The following FLI1 variants were observed in gnomAD, a reference collection of about 807,000 sequenced individuals.
The protein encoded by FLI1 is Fli-1 proto-oncogene, ETS transcription factor, also known as Friend leukemia integration 1 transcription factor.
Under a neutral mutation model 53.1 loss-of-function variants are expected in FLI1, and 13 were observed. The ratio of observed to expected loss-of-function variants is 0.24; its 90% CI spans 0.16 to 0.39. The LOEUF (loss-of-function observed/expected upper bound fraction) is 0.39, where lower values mean the gene tolerates loss of function less well. FLI1 is among the 10% of genes least tolerant of loss of function. The pLI, the probability that FLI1 is intolerant of heterozygous loss-of-function variation, is 1.00. For missense variants in FLI1, 424 were observed against 600.5 expected, an observed-to-expected ratio of 0.71 and a Z score of 3.07; for synonymous variants, 244 against 236.7, an observed-to-expected ratio of 1.03 and a Z score of -0.28.
chr11:128,720,930 G>A (rs776814642), intron 1 of FLI1, among the ~76,000 whole-genome samples: 1 of 152,132 alleles, frequency 6.6e-6, no homozygotes, highest in African/African-American at 2.4e-5. Context: ...CGAGCAAGCC[G>A]GACCTCTGTG....
chr11:128,710,423 A>T (rs1416126834), intron 1 of FLI1, among the ~76,000 whole-genome samples: 2 of 152,174 alleles, frequency 1.3e-5, no homozygotes, highest in Non-Finnish European at 2.9e-5. Context: ...GAGGCCGAAC[A>T]TTGAACTGCT....
intron 5 of FLI1, among the ~76,000 whole-genome samples, chr11:128,802,961 C>A (rs2135910573): frequency 6.6e-6 from 1 of 152,294 alleles, no homozygotes; most frequent in South Asian, 2.1e-4. Flanking sequence ...ATAATTTGGG[C>A]TCCAAAAGAA....
chr11:128,758,005 A>G, intron 1 of FLI1, 110 bp from the exon 2 acceptor site: 1 of 906,780 alleles, frequency 1.1e-6, no homozygotes, highest in South Asian at 1.6e-5. Flanking sequence ...GAACTTCCAG[A>G]CAAGCTGTCC....
intron 1 of FLI1, among the ~76,000 whole-genome samples, chr11:128,719,067 C>G (rs911929515): frequency 6.6e-6 from 1 of 152,134 alleles, no homozygotes; most frequent in African/African-American, 2.4e-5. Flanking sequence ...CATGGTTATT[C>G]TGGAGGCAGA....
At chr11:128,723,292 G>T (rs555834556) in intron 1 of FLI1, among the ~76,000 whole-genome samples, 9 of 152,086 alleles carry the variant, frequency 5.9e-5, no homozygotes, top group Non-Finnish European at 1.2e-4. Flanking sequence ...CAGTGTAGGC[G>T]GGATGGAAGC....
chr11:128,701,733 A>G (rs1938340368), intron 1 of FLI1, among the ~76,000 whole-genome samples: 1 of 152,218 alleles, frequency 6.6e-6, no homozygotes, highest in Non-Finnish European at 1.5e-5. Context: ...CCCAAGAGCA[A>G]GCCCCATTTA....
At chr11:128,804,209 T>G (rs1332134251) in intron 5 of FLI1, 1 of 152,250 alleles carries the variant, frequency 6.6e-6, no homozygotes, top group Non-Finnish European at 1.5e-5. Context: ...ACTCTTATTC[T>G]AATTTGTTTG....
At chr11:128,741,153 G>T (rs1591769776) in intron 1 of FLI1, among the ~76,000 whole-genome samples, 1 of 152,214 alleles carries the variant, frequency 6.6e-6, no homozygotes, top group African/African-American at 2.4e-5. Context: ...CAGCACTTTG[G>T]GAGGCTGAGG....
chr11:128,698,146 C>G (rs982140289), intron 1 of FLI1, among the ~76,000 whole-genome samples: 3 of 152,200 alleles, frequency 2.0e-5, no homozygotes, highest in African/African-American at 7.2e-5. Flanking sequence ...CAGGTTGTCA[C>G]TGGCAGGGCA....
intron 1 of FLI1, among the ~76,000 whole-genome samples, chr11:128,701,907 G>A (rs1211851407): frequency 6.6e-6 from 1 of 152,224 alleles, no homozygotes; most frequent in African/African-American, 2.4e-5. Context: ...TCCAGTAGCA[G>A]AATTGTTAGG....
chr11:128,806,975 A>G (rs531994777), intron 6 of FLI1: 1 of 397,596 alleles, frequency 2.5e-6, no homozygotes, highest in East Asian at 3.6e-5. Flanking sequence ...TCTACCAGGA[A>G]CTGCTTGTTC....
At chr11:128,771,183 A>T (rs568130985) in intron 3 of FLI1, among the ~76,000 whole-genome samples, 1 of 152,200 alleles carries the variant, frequency 6.6e-6, no homozygotes, top group Non-Finnish European at 1.5e-5. Context: ...CAGGTGGCAC[A>T]TAGCACCCAC....
chr11:128,693,982 G>T (rs1937892675), upstream of FLI1: 1 of 312,906 alleles, frequency 3.2e-6, no homozygotes, highest in Non-Finnish European at 5.8e-6. Context: ...GAGAGAGAGA[G>T]AGAGAGAGAG....
At chr11:128,764,802 C>T in intron 2 of FLI1, 1 of 1,593,626 alleles carries the variant, frequency 6.3e-7, no homozygotes, top group East Asian at 2.2e-5. Flanking sequence ...GGAGGGAGGA[C>T]TGGCAGGCGA....
intron 2 of FLI1, among the ~76,000 whole-genome samples, chr11:128,763,765 AG>A (rs1941219452): frequency 6.6e-6 from 1 of 152,232 alleles, no homozygotes; most frequent in African/African-American, 2.4e-5. Context: ...GAGGATACAC[AG>A]GATCCTGGAA....
At position 128,805,354 on chromosome 11, in the gene FLI1, A is replaced by C. The variant is rs1286068411; in HGVS notation, c.656-12A>C. The stretch of plus-strand genomic sequence containing the variant: ...CGATGCTAATGTACCCCTATTTGTT[A>C]TTGTTCATTAGACCCTTCTTATGAC... On this transcript the variant is annotated splice_polypyrimidine_tract_variant and intron_variant, in intron 5 of 8. Transcript: ENST00000527786. 1.3e-6 allele frequency: 2 copies of C among 1,549,092 alleles called. No homozygotes were observed. The highest frequency in any genetic ancestry group is 1.2e-5 in the South Asian group (1 of 85,546).
intron 1 of FLI1, among the ~76,000 whole-genome samples, chr11:128,739,488 G>C (rs552585025): frequency 1.4e-4 from 22 of 152,006 alleles, no homozygotes; most frequent in South Asian, 8.3e-4. Flanking sequence ...CCTTCAAAAG[G>C]CATTTTAATT....
chr11:128,716,038 G>A (rs552016892), intron 1 of FLI1, among the ~76,000 whole-genome samples: 16 of 152,324 alleles, frequency 1.1e-4, no homozygotes, highest in African/African-American at 3.9e-4. Context: ...GGAAGCATTT[G>A]CATGGTTAGA....
At chr11:128,738,635 T>C (rs1476496434) in intron 1 of FLI1, among the ~76,000 whole-genome samples, 1 of 152,242 alleles carries the variant, frequency 6.6e-6, no homozygotes, top group African/African-American at 2.4e-5. Flanking sequence ...ATATCCTAGC[T>C]CAGGCGCAGT....
Sources: allele counts gnomAD v4.1 joint callset (sites outside exome capture counted in the v4.1 genomes callset), GRCh38; gene constraint gnomAD v4.1.1; transcripts MANE v1.5; gene names NCBI Gene and HGNC (gene_info 2026-07-23, HGNC 2026-07-21).